RAB27B: variants seen among roughly 807,000 people sequenced by gnomAD.
The protein encoded by RAB27B is ras-related protein Rab-27B.
In RAB27B, 15 loss-of-function variants were observed where a neutral mutation model predicts 24.6. The observed-to-expected ratio is 0.61, with a 90% confidence interval of 0.41 to 0.94. The LOEUF (loss-of-function observed/expected upper bound fraction) is 0.94. Ranked by LOEUF, RAB27B falls within the 40% of genes least tolerant of loss-of-function variation. The pLI is 0.00. For synonymous variants in RAB27B, 105 were observed against 92.5 expected, an observed-to-expected ratio of 1.14 and a Z score of -0.78; for missense variants, 261 against 266.8, an observed-to-expected ratio of 0.98 and a Z score of 0.15.
At chr18:54,876,682 A>G (rs1348577853) in intron 1 of RAB27B, among the ~76,000 whole-genome samples, 2 of 152,102 alleles carry the variant, frequency 1.3e-5, no homozygotes, top group Admixed American at 6.5e-5. Flanking sequence ...TTGTCATGTC[A>G]GTTGTTAAAT....
At chr18:54,862,401 G>A (rs73487392) in intron 1 of RAB27B, among the ~76,000 whole-genome samples, 5,506 of 152,224 alleles carry the variant, frequency 0.036, 342 homozygotes, top group African/African-American at 0.13. Flanking sequence ...CATCAGTAAG[G>A]AGAAATCACT....
intron 2 of RAB27B, among the ~76,000 whole-genome samples, chr18:54,722,271 GA>G (rs775218255): frequency 2.6e-5 from 4 of 152,134 alleles, no homozygotes; most frequent in Non-Finnish European, 5.9e-5. Flanking sequence ...ACAGACAACA[GA>G]AAAAGAAAGA....
chr18:54,802,608 C>T (rs1187409110), intron 2 of RAB27B, among the ~76,000 whole-genome samples: 1 of 152,144 alleles, frequency 6.6e-6, no homozygotes, highest in Admixed American at 6.5e-5. Context: ...CCCTATTTTC[C>T]TAAACTGCTA....
intron 1 of RAB27B, among the ~76,000 whole-genome samples, chr18:54,841,038 C>T (rs1263520119): frequency 2.6e-5 from 4 of 151,734 alleles, no homozygotes; most frequent in Non-Finnish European, 5.9e-5. Context: ...CCCAGCTATT[C>T]AGCAGGCTGA....
chr18:54,717,878 G>A (rs532061252), exon 1 of RAB27B: 1 of 152,332 alleles, frequency 6.6e-6, no homozygotes, highest in East Asian at 1.9e-4. Flanking sequence ...TACACAGGAA[G>A]AGAGCAGGCA....
In RAB27B at chr18:54,888,045, G is replaced by T; in HGVS notation, c.394G>T (p.Gly132Cys). The change falls in exon 5 of 6, where the codon GGC becomes TGC. Residue 132 changes from glycine (G) to cysteine (C), a missense_variant. By Grantham distance (159) the Gly-to-Cys change is radical. Transcript: ENST00000262094. ...TGAAAATCCAGATATAGTATTAATT[G>T]GCAACAAGGCAGACCTACCAGATCA... ...YCENPDIVLI[G>C]NKADLPDQRE... 1 of 1,613,022 alleles carries T rather than the reference G, an allele frequency of 6.2e-7. No homozygotes were observed. The highest frequency in any genetic ancestry group is 8.5e-7 in the Non-Finnish European group (1 of 1,179,320).
intron 1 of RAB27B, among the ~76,000 whole-genome samples, chr18:54,855,415 T>C (rs368949414): frequency 1.1e-4 from 16 of 152,326 alleles, no homozygotes; most frequent in African/African-American, 3.8e-4. Context: ...TCATTTAAAG[T>C]ACAAATTATT....
chr18:54,773,646 A>C (rs1908623694), intron 2 of RAB27B, among the ~76,000 whole-genome samples: 2 of 151,992 alleles, frequency 1.3e-5, no homozygotes, highest in Admixed American at 1.3e-4. Flanking sequence ...GAGGACAGAG[A>C]GACATAAAGC....
rs143626032 is a variant in RAB27B at position 54,860,903 on chromosome 18, T to C, written c.-19-16664T>C. 6.2e-3 allele frequency among the ~76,000 whole-genome samples: 943 copies of C among 152,358 alleles called. 8 individuals carry two copies. Among genetic ancestry groups the C allele is most frequent in the Admixed American group, 0.026 (394 of 15,306 alleles). ...AATTCATAAAATGCTTCTTGTAAAA[T>C]ATCCGCTAAAACAATGAATAGCCAA... On this transcript the variant is annotated intron_variant, in intron 1 of 5. Coordinates refer to ENST00000262094, the MANE Select transcript of RAB27B (RefSeq NM_004163.4).
rs181648786 is a variant in RAB27B, at chr18:54,772,536, C to T, written c.-20+54395C>T. On this transcript the variant is annotated intron_variant, in intron 2 of 4. Coordinates refer to the RAB27B transcript ENST00000586570. The stretch of plus-strand genomic sequence containing the variant: ...ATTTGAATCAAAATGTGAGATCTTT[C>T]GTTTTAATCGTTATATGCAGCCAAA... 3.1e-3 allele frequency among the ~76,000 whole-genome samples: 477 copies of T among 152,228 alleles called. 4 individuals carry two copies. The highest frequency in any genetic ancestry group is 0.011 in the African/African-American group (452 of 41,546).
intron 2 of RAB27B, among the ~76,000 whole-genome samples, chr18:54,753,195 G>T (rs1345831668): frequency 5.3e-5 from 8 of 152,134 alleles, no homozygotes; most frequent in Non-Finnish European, 8.8e-5. Context: ...CAAGATTAAA[G>T]GGATCATTTA....
At chr18:54,796,387 C>T (rs1909419161) in intron 2 of RAB27B, among the ~76,000 whole-genome samples, 1 of 152,200 alleles carries the variant, frequency 6.6e-6, no homozygotes, top group Non-Finnish European at 1.5e-5. Context: ...TGACAGCTGT[C>T]TGTATCCTGA....
intron 2 of RAB27B, among the ~76,000 whole-genome samples, chr18:54,751,081 G>A (rs778794253): frequency 6.6e-6 from 1 of 152,196 alleles, no homozygotes; most frequent in Non-Finnish European, 1.5e-5. Context: ...GAGAGACACT[G>A]AAGTTAAGAG....
intron 2 of RAB27B, among the ~76,000 whole-genome samples, chr18:54,810,881 TAAG>T (rs1909941658): frequency 7.0e-6 from 1 of 143,100 alleles, no homozygotes; most frequent in Non-Finnish European, 1.5e-5. Flanking sequence ...AATAAATAAA[TAAG>T]AAAACCTCTG....
chr18:54,804,889 TTTC>T, intron 2 of RAB27B, among the ~76,000 whole-genome samples: 1 of 29,404 alleles, frequency 3.4e-5, no homozygotes, highest in Admixed American at 3.9e-4. Flanking sequence ...TCTTTCTTTC[TTTC>T]TCTTTCTCTC....
Position 54,745,960 on chromosome 18 carries a change from G to A in RAB27B, c.-20+27819G>A, listed in dbSNP as rs962894899. Among the ~76,000 whole-genome samples the A allele has an allele frequency of 2.6e-5, 4 of 151,174 alleles. No individual in the cohort carries two copies. The South Asian group carries it at 8.3e-4, about 31-fold the overall frequency. On this transcript the variant is annotated intron_variant, in intron 2 of 4. Transcript: ENST00000586570. ...ATACTGCAGTCTGGTTGATGAAATA[G>A]CAACTAATATACAGCGATGCCAATC...
chr18:54,812,593 A>ACACACACACT (rs1555658878), intron 2 of RAB27B, among the ~76,000 whole-genome samples: 1 of 143,002 alleles, frequency 7.0e-6, no homozygotes, highest in Non-Finnish European at 1.5e-5. Flanking sequence ...ACACACACAC[A>ACACACACACT]CTCTTATGAA....
At chr18:54,825,514 G>A (rs1910444050), upstream of RAB27B, among the ~76,000 whole-genome samples, 1 of 152,106 alleles carries the variant, frequency 6.6e-6, no homozygotes, top group African/African-American at 2.4e-5. Context: ...CAGCTAAATA[G>A]ATTTTTCAAC....
rs1017473968 is a variant in RAB27B, at chr18:54,726,903, A to T, written c.-20+8762A>T. The stretch of plus-strand genomic sequence containing the variant: ...GCAAGGATACAGCAGAATAAATAAT[A>T]ACTAAAAATCCATGTTGACCTGTTG... On this transcript the variant is annotated intron_variant, in intron 2 of 4. Transcript: ENST00000586570. Among the ~76,000 whole-genome samples, 8 of 143,922 alleles carry T rather than the reference A, an allele frequency of 5.6e-5. 1 individual carries two copies. The highest frequency in any genetic ancestry group is 3.2e-5 in the Non-Finnish European group (2 of 63,364). 94.4% of individuals were successfully genotyped at this position (143,922 alleles called of 152,430 possible). A position where few individuals can be genotyped will look rare whatever the true frequency, so the allele number is the denominator to read the frequency against.
Sources: gnomAD v4.1 joint callset for allele counts (sites outside exome capture counted in the v4.1 genomes callset) on GRCh38, gnomAD v4.1.1 for gene constraint, MANE v1.5 for transcripts, NCBI Gene and HGNC (gene_info 2026-07-23, HGNC 2026-07-21) for gene names.